NIT1: variants seen among roughly 807,000 people sequenced by gnomAD.
The protein encoded by NIT1 is nitrilase 1.
In NIT1, 30 loss-of-function variants were observed where a neutral mutation model predicts 36.8. That is an observed-to-expected ratio of 0.82 (90% CI 0.61 to 1.11). The LOEUF (loss-of-function observed/expected upper bound fraction) is 1.11. Ranked by LOEUF, NIT1 falls within the 50% of genes least tolerant of loss-of-function variation. The pLI is 0.00. For synonymous variants in NIT1, 151 were observed against 155.6 expected (o/e 0.97, Z 0.22); for missense variants, 438 against 410.6 (o/e 1.07, Z -0.58).
At chr1:161,122,933 G>T, downstream of NIT1, 1 of 1,512,930 alleles carries the variant, frequency 6.6e-7, no homozygotes, top group Non-Finnish European at 9.2e-7. The surrounding 1 kb of genome is among the most constrained non-coding windows in gnomAD (Gnocchi z 4.2). Flanking sequence ...TCTTCCACCA[G>T]ACACCAAACC....
downstream of NIT1, chr1:161,123,303 CAT>C: frequency 2.2e-6 from 3 of 1,342,608 alleles, no homozygotes; most frequent in Admixed American, 1.9e-5. Context: ...AGGAAGGAAT[CAT>C]TTAGACTTAG....
At chr1:161,122,012 T>C (rs536162272), downstream of NIT1, 35 of 1,222,544 alleles carry the variant, frequency 2.9e-5, no homozygotes, top group South Asian at 9.3e-5. The surrounding 1 kb of genome is among the most constrained non-coding windows in gnomAD (Gnocchi z 4.2). Flanking sequence ...CACTTTCTTT[T>C]GTCTTTTTCT....
intron 6 of NIT1, 61 bp from the exon 7 acceptor site, chr1:161,120,438 C>T: frequency 2.6e-6 from 4 of 1,567,860 alleles, no homozygotes; most frequent in Non-Finnish European, 3.5e-6. Flanking sequence ...TAATGTCCCT[C>T]ACCTGTCACT....
At chr1:161,122,544 A>G (rs370774543), downstream of NIT1, 64 of 1,604,046 alleles carry the variant, frequency 4.0e-5, 1 homozygote, top group South Asian at 6.5e-4. This position sits in a 1 kb window ranked among gnomAD's most constrained non-coding sequence, Gnocchi z 4.2. Context: ...CAGAAGATAC[A>G]GAGCAGAAGA....
downstream of NIT1, chr1:161,125,332 C>G (rs1018481035): frequency 6.6e-6 from 1 of 152,072 alleles, no homozygotes; most frequent in East Asian, 1.9e-4. Flanking sequence ...CAGAATCATC[C>G]CTCCACATTT....
intron 1 of NIT1, 70 bp from the exon 2 acceptor site, chr1:161,118,716 G>A: frequency 1.4e-6 from 2 of 1,475,834 alleles, no homozygotes; most frequent in Non-Finnish European, 1.9e-6. Context: ...TATAAAGAGA[G>A]AAGTCAGAGA....
chr1:161,122,442 G>C (rs1365480325), downstream of NIT1: 12 of 1,614,206 alleles, frequency 7.4e-6, no homozygotes, highest in Non-Finnish European at 8.5e-6. The surrounding 1 kb of genome is among the most constrained non-coding windows in gnomAD (Gnocchi z 4.2). Context: ...GCGCTCAAGT[G>C]GGTCCTGCTT....
chr1:161,122,666 T>C, downstream of NIT1: 1 of 1,124,366 alleles, frequency 8.9e-7, no homozygotes, highest in East Asian at 2.5e-5. This position sits in a 1 kb window ranked among gnomAD's most constrained non-coding sequence, Gnocchi z 4.2. Context: ...CCCAGGACTA[T>C]TTCTATGTAT....
downstream of NIT1, chr1:161,122,619 A>C (rs952035963): frequency 1.4e-5 from 20 of 1,455,506 alleles, no homozygotes; most frequent in East Asian, 4.6e-4. This position sits in a 1 kb window ranked among gnomAD's most constrained non-coding sequence, Gnocchi z 4.2. Context: ...AGAATAAAAA[A>C]GTAGGGAATA....
At position 161,119,802 on chromosome 1, in the gene NIT1, C is replaced by T. The variant is rs540298799; in HGVS notation, c.458-17C>T. 1.6e-5 allele frequency: 26 copies of T among 1,586,014 alleles called. 1 individual carries two copies. The East Asian group carries it at 4.5e-4, about 27-fold the overall frequency. On this transcript the variant is annotated splice_polypyrimidine_tract_variant and intron_variant, in intron 4 of 6. Coordinates refer to ENST00000368009, the MANE Select transcript of NIT1 (RefSeq NM_005600.3). Reference sequence around the variant, plus strand: ...TTCTAGAACACCAGCACTGATATTCCTTCTTTCTTACTGTAGGGGCAGTAG... The same window carrying T: ...TTCTAGAACACCAGCACTGATATTCTTTCTTTCTTACTGTAGGGGCAGTAG...
chr1:161,122,005 T>G (rs1655549535), downstream of NIT1: 5 of 1,182,892 alleles, frequency 4.2e-6, no homozygotes, highest in South Asian at 7.9e-5. This position sits in a 1 kb window ranked among gnomAD's most constrained non-coding sequence, Gnocchi z 4.2. Flanking sequence ...CCACTTCCAC[T>G]TTCTTTTGTC....
chr1:161,118,391 T>A, intron 1 of NIT1: 1 of 1,529,584 alleles, frequency 6.5e-7, no homozygotes, highest in Non-Finnish European at 8.8e-7. Context: ...GGGTGAACTT[T>A]CCCCTGCGAG....
chr1:161,125,090 C>CG (rs1335638369), downstream of NIT1: 1 of 151,812 alleles, frequency 6.6e-6, no homozygotes, highest in Non-Finnish European at 1.5e-5. Flanking sequence ...TCCCCCATCT[C>CG]GGAAAAAAAA....
chr1:161,124,096 C>G, downstream of NIT1: 1 of 1,590,108 alleles, frequency 6.3e-7, no homozygotes, highest in Non-Finnish European at 8.6e-7. Context: ...TTCCTGGCCT[C>G]CCACAACTCT....
At chr1:161,119,985 AG>A (rs1472175862) in intron 5 of NIT1, 33 bp downstream of exon 5, 1 of 1,603,950 alleles carries the variant, frequency 6.2e-7, no homozygotes, top group Non-Finnish European at 8.5e-7. Context: ...GGAGGGGAAC[AG>A]GAATACTTTG....
At position 161,118,819 on chromosome 1, in the gene NIT1, C is replaced by T. The variant is rs1655102156; in HGVS notation, c.36C>T (p.Phe12=). The change falls in exon 2 of 7, where the codon TTC becomes TTT. Residue 12 remains phenylalanine, a synonymous_variant. Coordinates refer to ENST00000368009, the MANE Select transcript of NIT1 (RefSeq NM_005600.3). ...LGFITRPPHR[F]LSLLCPGLRI... is the part of the protein sequence containing the mutation. ...TCATCACCAGGCCTCCTCACAGATT[C>T]CTGTCCCTTCTGTGTCCTGGACTCC... 4 of 1,613,938 alleles carry T rather than the reference C, an allele frequency of 2.5e-6. No individual in the cohort carries two copies. Among genetic ancestry groups the T allele is most frequent in the African/African-American group, 1.3e-5 (1 of 74,912 alleles).
downstream of NIT1, chr1:161,124,316 A>G (rs1424560309): frequency 6.2e-7 from 1 of 1,614,250 alleles, no homozygotes; most frequent in East Asian, 2.2e-5. Context: ...TGACATCAAC[A>G]AAGAGGAAAG....
At chr1:161,124,063 C>G, downstream of NIT1, 1 of 1,577,956 alleles carries the variant, frequency 6.3e-7, no homozygotes, top group East Asian at 2.2e-5. Context: ...TGTGTCCTCC[C>G]CTTTGGACGC....
At chr1:161,122,198 C>T, downstream of NIT1, 1 of 1,614,144 alleles carries the variant, frequency 6.2e-7, no homozygotes, top group South Asian at 1.1e-5. This position sits in a 1 kb window ranked among gnomAD's most constrained non-coding sequence, Gnocchi z 4.2. Flanking sequence ...GTCGGCCCAG[C>T]TCATAGTCCT....
Sources: allele counts gnomAD v4.1 joint callset, GRCh38; gene constraint gnomAD v4.1.1; non-coding constraint Gnocchi (gnomAD v3.1); transcripts MANE v1.5; gene names NCBI Gene and HGNC (gene_info 2026-07-23, HGNC 2026-07-21).